The following RORA variants were observed in gnomAD, a reference collection of about 807,000 sequenced individuals.
RORA encodes nuclear receptor ROR-alpha.
A neutral mutation model predicts 69.5 loss-of-function variants in RORA; 7 were observed. That is an observed-to-expected ratio of 0.10 (90% CI 0.06 to 0.19). The LOEUF (loss-of-function observed/expected upper bound fraction) is 0.19, where lower values mean the gene tolerates loss of function less well. RORA is among the 10% of genes least tolerant of loss of function. The pLI is 1.00. For missense variants in RORA, 457 were observed against 663.0 expected (o/e 0.69, Z 3.41); for synonymous variants, 261 against 240.8 (o/e 1.08, Z -0.78).
intron 1 of RORA, among the ~76,000 whole-genome samples, chr15:60,783,973 T>C (rs2072299328): frequency 6.6e-6 from 1 of 152,240 alleles, no homozygotes; most frequent in Non-Finnish European, 1.5e-5. Context: ...CAATGATTTC[T>C]GGTCAAACCT....
At chr15:60,874,698 C>T (rs1398583629) in intron 1 of RORA, among the ~76,000 whole-genome samples, 4 of 152,108 alleles carry the variant, frequency 2.6e-5, no homozygotes, top group Non-Finnish European at 5.9e-5. Context: ...GAATGATTTA[C>T]AGAATTATGG....
intron 1 of RORA, among the ~76,000 whole-genome samples, chr15:61,169,749 C>G (rs139565029): frequency 6.7e-6 from 1 of 149,372 alleles, no homozygotes; most frequent in Non-Finnish European, 1.5e-5. Context: ...AACCCCCCAG[C>G]AACTGTCTTC....
intron 1 of RORA, among the ~76,000 whole-genome samples, chr15:60,832,196 T>G (rs1325428320): frequency 6.6e-6 from 1 of 152,198 alleles, no homozygotes; most frequent in Non-Finnish European, 1.5e-5. Context: ...GAAAATGAGA[T>G]GTAACTACAA....
At chr15:60,595,725 A>T (rs56111186) in intron 2 of RORA, among the ~76,000 whole-genome samples, 3,648 of 151,888 alleles carry the variant, frequency 0.024, 59 homozygotes, top group Non-Finnish European at 0.037. Flanking sequence ...TTACATGAAG[A>T]TAATTAAACA....
chr15:60,587,923 T>C (rs1273821648), intron 2 of RORA, among the ~76,000 whole-genome samples: 1 of 152,210 alleles, frequency 6.6e-6, no homozygotes, highest in Non-Finnish European at 1.5e-5. Context: ...ACCTCCTATC[T>C]CTTGACAATT....
intron 1 of RORA, among the ~76,000 whole-genome samples, chr15:60,843,352 G>A (rs879296178): frequency 6.6e-6 from 1 of 152,170 alleles, no homozygotes; most frequent in Admixed American, 6.5e-5. Flanking sequence ...ATAAAGTCCA[G>A]GTACCTCATT....
At chr15:60,841,113 C>G (rs1595758884) in intron 1 of RORA, 1 of 984,200 alleles carries the variant, frequency 1.0e-6, no homozygotes, top group African/African-American at 1.7e-5. Flanking sequence ...CAGCAGAGAG[C>G]TGAGGGAAAC....
intron 2 of RORA, chr15:60,558,236 TA>T: frequency 6.2e-7 from 1 of 1,610,720 alleles, no homozygotes. Context: ...CAGACGCCAG[TA>T]AGAACAAAAG....
At chr15:60,515,756 G>A (rs1048793089) in intron 3 of RORA, among the ~76,000 whole-genome samples, 1 of 146,000 alleles carries the variant, frequency 6.8e-6, no homozygotes, top group Non-Finnish European at 1.5e-5. Flanking sequence ...TTTTTTCGGG[G>A]GAGGGGGCAG....
intron 1 of RORA, among the ~76,000 whole-genome samples, chr15:60,913,653 T>C (rs1891792500): frequency 6.6e-6 from 1 of 152,212 alleles, no homozygotes; most frequent in South Asian, 2.1e-4. Flanking sequence ...GACAATGCTG[T>C]GCTTTGCTGG....
intron 2 of RORA, among the ~76,000 whole-genome samples, chr15:60,646,007 C>T (rs1021587594): frequency 1.3e-5 from 2 of 152,132 alleles, no homozygotes; most frequent in East Asian, 1.9e-4. Flanking sequence ...GGGCCTCGCC[C>T]GTATGCTCTG....
chr15:61,053,487 G>A (rs1046353550), intron 1 of RORA, among the ~76,000 whole-genome samples: 5 of 152,004 alleles, frequency 3.3e-5, no homozygotes, highest in African/African-American at 1.2e-4. Context: ...ACAGTTTCAC[G>A]ATGATTTCCA....
intron 1 of RORA, among the ~76,000 whole-genome samples, chr15:60,810,888 T>C (rs1198053937): frequency 6.6e-6 from 1 of 152,108 alleles, no homozygotes; most frequent in Non-Finnish European, 1.5e-5. Context: ...ACGAAAGGGG[T>C]TCATCCACTG....
intron 1 of RORA, among the ~76,000 whole-genome samples, chr15:60,744,246 T>C (rs1179967699): frequency 6.6e-6 from 1 of 152,214 alleles, no homozygotes. Context: ...GTAATAAAGA[T>C]ATACGTTGCT....
Position 61,155,185 on chromosome 15 carries a change from A to C in RORA, c.166+73868T>G, listed in dbSNP as rs145530703. Among the ~76,000 whole-genome samples, 499 of 152,356 alleles carry C rather than the reference A, an allele frequency of 3.3e-3. 5 individuals are homozygous for C. Among genetic ancestry groups the C allele is most frequent in the African/African-American group, 0.012 (485 of 41,590 alleles). On this transcript the variant is annotated intron_variant, in intron 1 of 10. Transcript: ENST00000335670. ...AGCTTGATCATTATACAATGTATAC[A>C]TGCATTAAAACATCACACTGTGTCC...
At chr15:60,732,946 C>A (rs998746922) in intron 1 of RORA, among the ~76,000 whole-genome samples, 2 of 152,152 alleles carry the variant, frequency 1.3e-5, no homozygotes, top group Admixed American at 6.5e-5. Flanking sequence ...AAACTACTTT[C>A]TTTTGACAGA....
At chr15:61,185,002 A>AAAGAAG (rs1313174431) in intron 1 of RORA, among the ~76,000 whole-genome samples, 2 of 150,786 alleles carry the variant, frequency 1.3e-5, no homozygotes, top group South Asian at 2.1e-4. Context: ...AAAAAAAAAA[A>AAAGAAG]AAGAAGAAGA....
At chr15:60,831,979 T>C (rs2073048694) in intron 1 of RORA, among the ~76,000 whole-genome samples, 1 of 152,202 alleles carries the variant, frequency 6.6e-6, no homozygotes, top group South Asian at 2.1e-4. Flanking sequence ...TGGGACAGTG[T>C]CTGCTGAGCT....
chr15:60,670,518 A>G (rs2070450041), intron 2 of RORA, among the ~76,000 whole-genome samples: 2 of 152,046 alleles, frequency 1.3e-5, no homozygotes, highest in Admixed American at 6.6e-5. Context: ...CCACTCCTCA[A>G]TATGCCTTCT....
Sources: gnomAD v4.1 joint callset for allele counts (sites outside exome capture counted in the v4.1 genomes callset) on GRCh38, gnomAD v4.1.1 for gene constraint, MANE v1.5 for transcripts, NCBI Gene and HGNC (gene_info 2026-07-23, HGNC 2026-07-21) for gene names.